Variants in ABCA3 observed in about 807,000 individuals in gnomAD.
The protein encoded by ABCA3 is ATP binding cassette subfamily A member 3.
Under a neutral mutation model 172.8 loss-of-function variants are expected in ABCA3, and 88 were observed. The observed-to-expected ratio is 0.51, with a 90% CI of 0.43 to 0.61. The LOEUF is 0.61. ABCA3 is among the 20% of genes least tolerant of loss of function. ABCA3 has a pLI of 0.00. For missense variants in ABCA3, 2,164 were observed against 2,301.0 expected (o/e 0.94, Z 1.22); for synonymous variants, 1,066 against 983.8 (o/e 1.08, Z -1.56).
chr16:2,300,363 G>A (rs1311221776), intron 12 of ABCA3, among the ~76,000 whole-genome samples: 1 of 151,984 alleles, frequency 6.6e-6, no homozygotes. Context: ...CCTGGTAAGT[G>A]GGTGTAATGG....
At chr16:2,332,816 C>CT (rs1005728652) in intron 1 of ABCA3, 25,648 of 445,760 alleles carry the variant, frequency 0.058, no homozygotes, top group South Asian at 0.08. Flanking sequence ...CCTATGTGCC[C>CT]TTTTTTTTTT....
intron 28 of ABCA3, 78 bp downstream of exon 28, chr16:2,280,948 TC>T: frequency 5.8e-6 from 9 of 1,561,264 alleles, no homozygotes; most frequent in Non-Finnish European, 7.9e-6. Flanking sequence ...GGGGACAGCA[TC>T]CCTCTGTCCC....
chr16:2,319,104 T>A (rs2093721384), intron 8 of ABCA3, among the ~76,000 whole-genome samples: 2 of 152,100 alleles, frequency 1.3e-5, no homozygotes. Context: ...CTCATGCCTG[T>A]AATCCCAGCA....
Position 2,297,274 on chromosome 16 carries a change from C to T in ABCA3, c.2263+55G>A. 38 of 1,584,102 alleles carry T rather than the reference C, an allele frequency of 2.4e-5. No individual in the cohort carries two copies. Among genetic ancestry groups the T allele is most frequent in the Non-Finnish European group, 3.3e-5 (38 of 1,163,778 alleles). On this transcript the variant is annotated intron_variant, in intron 17 of 32. Coordinates refer to ENST00000301732, the MANE Select transcript of ABCA3 (RefSeq NM_001089.3). This position sits in a 1 kb window ranked among gnomAD's most constrained non-coding sequence, Gnocchi z 5.6. ...CCCTTCATGAAGGTAGCAGCCATTC[C>T]CTCAGCACGGCAGCCAGGACACCGA...
Position 2,297,604 on chromosome 16 carries a change from C to T in ABCA3, c.2053-65G>A, listed in dbSNP as rs147395547. ...ACACCCCGGGCCCAGGCTGGCCTTGCGGTAGGCCCCATCGAGGGGTTCGCG... is the reference window on the plus strand; with the variant it reads ...ACACCCCGGGCCCAGGCTGGCCTTGTGGTAGGCCCCATCGAGGGGTTCGCG... On this transcript the variant is annotated intron_variant, in intron 16 of 32. Coordinates refer to ENST00000301732, the MANE Select transcript of ABCA3 (RefSeq NM_001089.3). This position sits in a 1 kb window ranked among gnomAD's most constrained non-coding sequence, Gnocchi z 5.6. 13,148 of 1,599,036 alleles carry T rather than the reference C, an allele frequency of 8.2e-3. 69 individuals carry two copies. The highest frequency in any genetic ancestry group is 9.6e-3 in the Non-Finnish European group (11,310 of 1,173,288).
chr16:2,288,961 C>CA (rs2093667522), intron 20 of ABCA3: 1 of 196,210 alleles, frequency 5.1e-6, no homozygotes, highest in Non-Finnish European at 1.1e-5. Flanking sequence ...CCGAGCCTCC[C>CA]AACCAGCCTG....
chr16:2,319,146 G>A (rs1191580448), intron 8 of ABCA3, among the ~76,000 whole-genome samples: 1 of 151,992 alleles, frequency 6.6e-6, no homozygotes, highest in African/African-American at 2.4e-5. Context: ...GGCTGAGATG[G>A]GAGAATTTCT....
intron 1 of ABCA3, among the ~76,000 whole-genome samples, chr16:2,336,649 A>T (rs1468894214): frequency 1.5e-5 from 2 of 130,960 alleles, no homozygotes; most frequent in African/African-American, 5.9e-5. Flanking sequence ...CATGTTGACC[A>T]GGCTGGTCTA....
intron 14 of ABCA3, 21 bp downstream of exon 14, chr16:2,299,382 C>A (rs545459665): frequency 7.4e-6 from 12 of 1,612,566 alleles, no homozygotes; most frequent in Non-Finnish European, 1.0e-5. Flanking sequence ...GTGGCAGGGG[C>A]GTGAGGCGCC....
intron 1 of ABCA3, among the ~76,000 whole-genome samples, chr16:2,338,023 C>T (rs750579980): frequency 3.9e-5 from 6 of 152,232 alleles, no homozygotes; most frequent in Non-Finnish European, 7.3e-5. Flanking sequence ...TTCCCTAACC[C>T]TTGCCGTGGC....
At chr16:2,313,164 T>C (rs2093709261) in intron 10 of ABCA3, among the ~76,000 whole-genome samples, 1 of 152,206 alleles carries the variant, frequency 6.6e-6, no homozygotes, top group South Asian at 2.1e-4. Context: ...TCTTGATTTA[T>C]GCTTAGGGTC....
rs2093668456 is a variant in ABCA3, at chr16:2,289,467, C to T, written c.2667G>A (p.Glu889=). 5.0e-6 allele frequency: 8 copies of T among 1,594,512 alleles called. No individual in the cohort carries two copies. Among genetic ancestry groups the T allele is most frequent in the South Asian group, 3.4e-5 (3 of 87,726 alleles). Residue 889 remains glutamate, a synonymous_variant, in exon 20 of 33, where the codon GAG becomes GAA. Coordinates refer to ENST00000301732, the MANE Select transcript of ABCA3 (RefSeq NM_001089.3). ...DPSDGIGALI[E]EERTAVKLNT... ...TGAGCTTGACAGCGGTGCGCTCCTC[C>T]TCGATGAGGGCTCCAATGCCGTCGG... is the stretch of plus-strand genomic sequence containing the variant.
intron 1 of ABCA3, chr16:2,339,293 C>T (rs2093756665): frequency 6.6e-6 from 1 of 152,158 alleles, no homozygotes; most frequent in East Asian, 1.9e-4. Context: ...ACTCGTGCTA[C>T]CCTCTCCTGT....
chr16:2,285,380 G>C lies in ABCA3; in HGVS notation c.3483+62C>G. Reference sequence around the variant, plus strand: ...CCAGCTGGTTCCGGTTCTGCACAGGGGTCCCAGGGCAAGCCCTCTGCGGTC... The same window carrying C: ...CCAGCTGGTTCCGGTTCTGCACAGGCGTCCCAGGGCAAGCCCTCTGCGGTC... On this transcript the variant is annotated intron_variant, in intron 23 of 32. Coordinates refer to ENST00000301732, the MANE Select transcript of ABCA3 (RefSeq NM_001089.3). This position sits in a 1 kb window ranked among gnomAD's most constrained non-coding sequence, Gnocchi z 4.7. The C allele has an allele frequency of 6.5e-7, 1 of 1,544,830 alleles. No homozygotes were observed. Among genetic ancestry groups the C allele is most frequent in the Non-Finnish European group, 8.8e-7 (1 of 1,142,532 alleles).
intron 12 of ABCA3, among the ~76,000 whole-genome samples, chr16:2,300,851 C>T (rs2093687768): frequency 6.6e-6 from 1 of 152,220 alleles, no homozygotes; most frequent in South Asian, 2.1e-4. Flanking sequence ...CAGTGCACTT[C>T]CAGCACCTGG....
chr16:2,315,623 T>C (rs2093714044), intron 10 of ABCA3, among the ~76,000 whole-genome samples: 1 of 152,114 alleles, frequency 6.6e-6, no homozygotes, highest in African/African-American at 2.4e-5. Flanking sequence ...ATCAGATATG[T>C]TGGCAAAGCA....
chr16:2,300,085 C>T lies in ABCA3; in HGVS notation c.1531G>A (p.Glu511Lys), dbSNP rs759507051. The change falls in exon 13 of 33, where the codon GAG (glutamate) becomes AAG (lysine). Residue 511 changes from glutamate (E) to lysine (K), a missense_variant. By Grantham distance (56) the Glu-to-Lys change is moderately conservative (BLOSUM62 1). Transcript: ENST00000301732. ...AAGTACTCGTTTCTGAGTGCTTTCT[C>T]GGGGTCACTGTCTTCTTCCTCCTTC... ...AGKEEEDSDP[E>K]KALRNEYFEA... 1.1e-5 allele frequency: 18 copies of T among 1,613,568 alleles called. No individual in the cohort carries two copies. In the East Asian group the frequency reaches 1.8e-4, roughly 16 times the overall value.
rs1163455864 is a variant in ABCA3, at chr16:2,285,079, T to C, written c.3484-81A>G. On this transcript the variant is annotated intron_variant, in intron 23 of 32. Coordinates refer to ENST00000301732, the MANE Select transcript of ABCA3 (RefSeq NM_001089.3). This position sits in a 1 kb window ranked among gnomAD's most constrained non-coding sequence, Gnocchi z 4.7. ...GTAGGGAAGGGGTGAGAGGAGCATT[T>C]GGAGGTCCTCAGACCCCTCCCGGTC... 6.8e-7 allele frequency: 1 copy of C among 1,463,624 alleles called. No individual in the cohort carries two copies. Among genetic ancestry groups the C allele is most frequent in the East Asian group, 2.4e-5 (1 of 41,058 alleles). The allele number at this position is 1,463,624 out of a possible 1,614,324, so 90.7% of individuals were successfully genotyped here. A position where few individuals can be genotyped will look rare whatever the true frequency, so the allele number is the denominator to read the frequency against.
At position 2,277,751 on chromosome 16, in the gene ABCA3, C is replaced by G; in HGVS notation, c.4910-81G>C. ...GTGCCTGGGTGCTCAGCACTGGAGTCCTCGTCCCAGGGATTGGGGAGATGG... is the reference window on the plus strand; with the variant it reads ...GTGCCTGGGTGCTCAGCACTGGAGTGCTCGTCCCAGGGATTGGGGAGATGG... On this transcript the variant is annotated intron_variant, in intron 31 of 32. Coordinates refer to ENST00000301732, the MANE Select transcript of ABCA3 (RefSeq NM_001089.3). The surrounding 1 kb of genome is among the most constrained non-coding windows in gnomAD (Gnocchi z 5.3). 1 of 1,598,148 alleles carries G rather than the reference C, an allele frequency of 6.3e-7. No homozygotes were observed. Among genetic ancestry groups the G allele is most frequent in the Non-Finnish European group, 8.5e-7 (1 of 1,170,646 alleles).
Sources: gnomAD v4.1 joint callset for allele counts (sites outside exome capture counted in the v4.1 genomes callset) on GRCh38, gnomAD v4.1.1 for gene constraint, Gnocchi (gnomAD v3.1) non-coding constraint, MANE v1.5 for transcripts, NCBI Gene and HGNC (gene_info 2026-07-23, HGNC 2026-07-21) for gene names.